The following TOX2 variants were observed in gnomAD, a reference collection of about 807,000 sequenced individuals.
TOX2 encodes TOX high mobility group box family member 2, also known as granulosa cell HMG box 1.
A neutral mutation model predicts 47.4 loss-of-function variants in TOX2; 15 were observed. That is an observed-to-expected ratio of 0.32 (90% confidence interval 0.21 to 0.49). The LOEUF is 0.49. TOX2 is among the 20% of genes least tolerant of loss of function. TOX2 has a pLI of 0.99. For missense variants in TOX2, 622 were observed against 673.1 expected (o/e 0.92, Z 0.84); for synonymous variants, 290 against 296.6 (o/e 0.98, Z 0.23).
At chr20:43,985,810 G>A (rs2070253847) in intron 2 of TOX2, among the ~76,000 whole-genome samples, 1 of 152,138 alleles carries the variant, frequency 6.6e-6, no homozygotes, top group Admixed American at 6.5e-5. Flanking sequence ...CCACCCGGTG[G>A]CGCCGAGCTC....
chr20:43,954,911 C>T (rs1397446952), intron 1 of TOX2, among the ~76,000 whole-genome samples: 1 of 152,186 alleles, frequency 6.6e-6, no homozygotes, highest in African/African-American at 2.4e-5. Context: ...GTAAAATGGG[C>T]ATACAGAGGG....
chr20:44,043,445 A>G (rs572902249), intron 3 of TOX2, among the ~76,000 whole-genome samples: 6 of 152,326 alleles, frequency 3.9e-5, no homozygotes, highest in East Asian at 1.9e-4. Flanking sequence ...ACATTTTCAT[A>G]TATCCTTGAA....
chr20:43,933,243 A>G (rs1197931414), intron 1 of TOX2, among the ~76,000 whole-genome samples: 1 of 152,242 alleles, frequency 6.6e-6, no homozygotes, highest in Non-Finnish European at 1.5e-5. Context: ...TGGGGGGACC[A>G]CAGCATTCAG....
At chr20:43,964,542 G>A (rs2069816842) in intron 1 of TOX2, among the ~76,000 whole-genome samples, 1 of 152,186 alleles carries the variant, frequency 6.6e-6, no homozygotes, top group Admixed American at 6.5e-5. Context: ...AGCTCTCAGT[G>A]CCTGTGACTG....
chr20:44,068,017 T>C (rs180783016), intron 8 of TOX2, among the ~76,000 whole-genome samples: 63 of 152,258 alleles, frequency 4.1e-4, no homozygotes, highest in African/African-American at 1.4e-3. Context: ...CCTTGGACAC[T>C]GAACAAGTGA....
At chr20:43,960,555 C>T (rs545540336) in intron 1 of TOX2, among the ~76,000 whole-genome samples, 54 of 152,342 alleles carry the variant, frequency 3.5e-4, no homozygotes, top group Non-Finnish European at 7.1e-4. Flanking sequence ...TCTGGCCTGT[C>T]CTGCTCCCCC....
At chr20:43,958,495 C>G (rs1321537955) in intron 1 of TOX2, among the ~76,000 whole-genome samples, 1 of 152,210 alleles carries the variant, frequency 6.6e-6, no homozygotes, top group Admixed American at 6.5e-5. Context: ...ACCAACTGCT[C>G]TCACCTGGCC....
At chr20:43,973,125 C>T (rs1352842732) in intron 1 of TOX2, among the ~76,000 whole-genome samples, 1 of 152,246 alleles carries the variant, frequency 6.6e-6, no homozygotes, top group African/African-American at 2.4e-5. Context: ...TTCCTATTTG[C>T]ATTGTAAGTG....
At chr20:43,953,168 T>C (rs2069609571) in intron 1 of TOX2, among the ~76,000 whole-genome samples, 1 of 152,200 alleles carries the variant, frequency 6.6e-6, no homozygotes, top group Non-Finnish European at 1.5e-5. Context: ...CCAGCCCTGA[T>C]GACACCTTGG....
rs368171214 is a variant in TOX2 at position 44,051,460 on chromosome 20, G to C, written c.566G>C (p.Ser189Thr). 6 of 1,613,836 alleles carry C rather than the reference G, an allele frequency of 3.7e-6. No homozygotes were observed. The highest frequency in any genetic ancestry group is 4.2e-6 in the Non-Finnish European group (5 of 1,179,832). Residue 189 changes from serine to threonine, a missense_variant, in exon 4 of 9, where the codon AGC becomes ACC. By Grantham distance (58) the Ser-to-Thr change is moderately conservative. This residue lies in a region of TOX2 where 307 missense variants were observed against 327.3 expected (regional missense o/e 0.94). Coordinates refer to ENST00000341197, the MANE Select transcript of TOX2 (RefSeq NM_001098797.2). Reference protein sequence around the residue: ...QMGIRSSIAHSSPSPPGSKSA... With the variant: ...QMGIRSSIAHTSPSPPGSKSA... ...GGCATCCGGAGCAGCATCGCCCACA[G>C]CTCCCCATCACCGCCGGGGAGCAAG...
intron 2 of TOX2, among the ~76,000 whole-genome samples, chr20:43,979,181 G>T (rs2070130451): frequency 6.6e-6 from 1 of 152,180 alleles, no homozygotes; most frequent in Admixed American, 6.5e-5. Context: ...TGTTCAAGTA[G>T]ATAGATGATG....
intron 3 of TOX2, among the ~76,000 whole-genome samples, chr20:44,011,945 A>C (rs547740461): frequency 7.2e-5 from 11 of 152,352 alleles, no homozygotes; most frequent in African/African-American, 2.4e-4. Flanking sequence ...AACCCCTTTT[A>C]CAAAATTAAA....
At chr20:44,048,801 A>G (rs1419217582) in intron 3 of TOX2, among the ~76,000 whole-genome samples, 17 of 152,158 alleles carry the variant, frequency 1.1e-4, no homozygotes, top group Non-Finnish European at 4.4e-5. Context: ...AGTTTAATCC[A>G]TAATGAAGAT....
At chr20:43,951,707 G>GGTTTTTTTTTT (rs745489872) in intron 1 of TOX2, among the ~76,000 whole-genome samples, 11 of 55,094 alleles carry the variant, frequency 2.0e-4, no homozygotes, top group East Asian at 5.3e-4. Flanking sequence ...AACTTATTAT[G>GGTTTTTTTTTT]TTTTTTTTTT....
intron 3 of TOX2, among the ~76,000 whole-genome samples, chr20:44,007,725 A>T (rs2070712019): frequency 6.6e-6 from 1 of 152,056 alleles, no homozygotes; most frequent in African/African-American, 2.4e-5. Flanking sequence ...CTGTAGTCCT[A>T]GCTACTTAGG....
intron 5 of TOX2, among the ~76,000 whole-genome samples, chr20:44,060,529 GAAAAT>G (rs1353020186): frequency 6.6e-6 from 1 of 152,016 alleles, no homozygotes; most frequent in African/African-American, 2.4e-5. Flanking sequence ...ACAAATTTAA[GAAAAT>G]AATAGAAATT....
chr20:43,963,446 T>G (rs2069796482), intron 1 of TOX2, among the ~76,000 whole-genome samples: 1 of 152,180 alleles, frequency 6.6e-6, no homozygotes, highest in Non-Finnish European at 1.5e-5. Flanking sequence ...CCCAGGCCTA[T>G]AGTCATGAGG....
intron 5 of TOX2, among the ~76,000 whole-genome samples, 196 bp downstream of exon 5, chr20:44,054,722 A>C (rs1031465818): frequency 6.6e-6 from 1 of 152,204 alleles, no homozygotes; most frequent in African/African-American, 2.4e-5. Flanking sequence ...TGCATTTACT[A>C]GCAACTTAAC....
chr20:43,916,144 T>C lies in TOX2; in HGVS notation c.99+1154T>C. On this transcript the variant is annotated intron_variant, in intron 1 of 8. Coordinates refer to ENST00000341197, the MANE Select transcript of TOX2 (RefSeq NM_001098797.2). This position sits in a 1 kb window ranked among gnomAD's most constrained non-coding sequence, Gnocchi z 5.0. ...GGGTTTTCGTCACTCGGAGCCCGGA[T>C]TGAACAGCGCGCGTGGGTTTCCCGC... 1 of 985,498 alleles carries C rather than the reference T, an allele frequency of 1.0e-6. No homozygotes were observed. The highest frequency in any genetic ancestry group is 1.2e-6 in the Non-Finnish European group (1 of 829,964). 61.0% of individuals were successfully genotyped at this position (985,498 alleles called of 1,614,324 possible).
Sources: allele counts gnomAD v4.1 joint callset (sites outside exome capture counted in the v4.1 genomes callset), GRCh38; gene constraint gnomAD v4.1.1; regional missense constraint gnomAD v4.1.1; non-coding constraint Gnocchi (gnomAD v3.1); transcripts MANE v1.5; gene names NCBI Gene and HGNC (gene_info 2026-07-23, HGNC 2026-07-21).